Variants in MARCHF1 observed in about 807,000 individuals in gnomAD.
The protein encoded by MARCHF1 is membrane associated ring-CH-type finger 1.
A neutral mutation model predicts 54.2 loss-of-function variants in MARCHF1; 40 were observed. The observed-to-expected ratio is 0.74, with a 90% CI of 0.57 to 0.96. MARCHF1 has a LOEUF of 0.96. Ranked by LOEUF, MARCHF1 falls within the 40% of genes least tolerant of loss-of-function variation. The pLI is 0.00. For synonymous variants in MARCHF1, 236 were observed against 236.3 expected, an observed-to-expected ratio of 1.00 and a Z score of 0.01; for missense variants, 586 against 656.5, an observed-to-expected ratio of 0.89 and a Z score of 1.17.
At chr4:164,237,178 A>G (rs1034507561) in intron 1 of MARCHF1, among the ~76,000 whole-genome samples, 2 of 152,272 alleles carry the variant, frequency 1.3e-5, no homozygotes, top group African/African-American at 2.4e-5. Flanking sequence ...ACCTGATGAC[A>G]TAATTTTATT....
intron 1 of MARCHF1, among the ~76,000 whole-genome samples, chr4:164,252,610 C>T (rs1446539598): frequency 2.6e-5 from 4 of 152,022 alleles, no homozygotes; most frequent in Non-Finnish European, 4.4e-5. Context: ...AGACTAATAC[C>T]ATCAAAAAGA....
chr4:164,068,365 C>T (rs142802940), intron 2 of MARCHF1, among the ~76,000 whole-genome samples: 1,999 of 152,222 alleles, frequency 0.013, 30 homozygotes, highest in African/African-American at 0.042. Context: ...AGACCGGAGC[C>T]GCCTCCCTCA....
intron 2 of MARCHF1, among the ~76,000 whole-genome samples, chr4:164,099,993 T>C (rs936316296): frequency 1.5e-4 from 23 of 152,298 alleles, no homozygotes; most frequent in Admixed American, 2.6e-4. Flanking sequence ...TTCCATCATT[T>C]TGGTAACTGA....
chr4:163,557,348 A>G (rs1739325642), intron 8 of MARCHF1, among the ~76,000 whole-genome samples: 1 of 152,208 alleles, frequency 6.6e-6, no homozygotes, highest in Admixed American at 6.5e-5. Flanking sequence ...CTATCCTATC[A>G]TCTCCAAATA....
chr4:163,606,587 T>C (rs1579106335), intron 7 of MARCHF1, among the ~76,000 whole-genome samples: 1 of 152,060 alleles, frequency 6.6e-6, no homozygotes, highest in East Asian at 1.9e-4. Context: ...TATTGAAGCA[T>C]GCCTAAATAT....
chr4:164,183,876 C>T (rs1324995632), intron 1 of MARCHF1, among the ~76,000 whole-genome samples: 3 of 152,108 alleles, frequency 2.0e-5, no homozygotes, highest in African/African-American at 7.2e-5. Flanking sequence ...AAATAATCAT[C>T]ATGGGAAAGT....
At chr4:164,149,372 C>T (rs1222595450) in intron 1 of MARCHF1, among the ~76,000 whole-genome samples, 1 of 152,138 alleles carries the variant, frequency 6.6e-6, no homozygotes, top group South Asian at 2.1e-4. Flanking sequence ...AATGTAAATT[C>T]TTATTAAATC....
chr4:163,566,483 A>G (rs1386807814), intron 8 of MARCHF1, among the ~76,000 whole-genome samples: 1 of 152,238 alleles, frequency 6.6e-6, no homozygotes, highest in Non-Finnish European at 1.5e-5. Flanking sequence ...GTGCAGGGCC[A>G]AGGTAACCTA....
At chr4:163,733,368 A>G (rs530082849) in intron 4 of MARCHF1, among the ~76,000 whole-genome samples, 1 of 143,708 alleles carries the variant, frequency 7.0e-6, no homozygotes, top group South Asian at 2.2e-4. Flanking sequence ...ATCTGGATCT[A>G]TACAAAATAA....
chr4:163,949,297 G>A (rs567533919), intron 3 of MARCHF1, among the ~76,000 whole-genome samples: 1 of 152,186 alleles, frequency 6.6e-6, no homozygotes, highest in Non-Finnish European at 1.5e-5. Context: ...CACTGCAAAC[G>A]GCTTCCACGG....
At chr4:163,822,578 A>G (rs1748724482) in intron 4 of MARCHF1, among the ~76,000 whole-genome samples, 1 of 151,914 alleles carries the variant, frequency 6.6e-6, no homozygotes, top group Non-Finnish European at 1.5e-5. Flanking sequence ...TGCACGTTAA[A>G]CAAAAAATTT....
intron 1 of MARCHF1, among the ~76,000 whole-genome samples, chr4:164,279,985 GA>G (rs1291918065): frequency 6.6e-6 from 1 of 151,718 alleles, no homozygotes; most frequent in Non-Finnish European, 1.5e-5. Context: ...CATTTTTAGA[GA>G]ATTGATTAAA....
At chr4:163,635,306 G>T (rs1233939147) in intron 5 of MARCHF1, among the ~76,000 whole-genome samples, 2 of 146,770 alleles carry the variant, frequency 1.4e-5, no homozygotes, top group African/African-American at 5.1e-5. Flanking sequence ...AATGAATCCA[G>T]GAGCTGGTTT....
intron 1 of MARCHF1, among the ~76,000 whole-genome samples, chr4:164,241,160 C>A (rs1174596063): frequency 1.3e-5 from 2 of 152,278 alleles, no homozygotes; most frequent in East Asian, 3.9e-4. Context: ...GTGACCCCCT[C>A]ACCCAGAAAC....
At chr4:164,326,000 C>A (rs1735271473) in intron 1 of MARCHF1, among the ~76,000 whole-genome samples, 3 of 152,206 alleles carry the variant, frequency 2.0e-5, no homozygotes, top group Admixed American at 6.5e-5. Flanking sequence ...TATGTCGATT[C>A]CAAAACTTTC....
At chr4:163,656,264 A>G (rs997989918) in intron 5 of MARCHF1, among the ~76,000 whole-genome samples, 3 of 152,082 alleles carry the variant, frequency 2.0e-5, no homozygotes, top group Non-Finnish European at 1.5e-5. Context: ...ACCATCAGGG[A>G]ATACTATAAA....
At chr4:163,756,309 T>C (rs1561060379) in intron 4 of MARCHF1, among the ~76,000 whole-genome samples, 1 of 151,962 alleles carries the variant, frequency 6.6e-6, no homozygotes, top group Non-Finnish European at 1.5e-5. Flanking sequence ...AGAGAGATCA[T>C]GGGTACAGAA....
chr4:163,674,763 T>C (rs994941532), intron 5 of MARCHF1, among the ~76,000 whole-genome samples: 9 of 152,206 alleles, frequency 5.9e-5, no homozygotes, highest in Non-Finnish European at 1.5e-5. Flanking sequence ...AAGTATAATA[T>C]GTATATTTGT....
chr4:163,611,561 T>G (rs1741341488), intron 7 of MARCHF1, among the ~76,000 whole-genome samples: 1 of 152,190 alleles, frequency 6.6e-6, no homozygotes, highest in Admixed American at 6.6e-5. Context: ...GTCTCATTTA[T>G]GCACACTAGC....
Sources: allele counts gnomAD v4.1 joint callset (sites outside exome capture counted in the v4.1 genomes callset), GRCh38; gene constraint gnomAD v4.1.1; transcripts MANE v1.5; gene names NCBI Gene and HGNC (gene_info 2026-07-23, HGNC 2026-07-21).